CEP290: variants seen among roughly 807,000 people sequenced by gnomAD.
CEP290 encodes centrosomal protein of 290 kDa.
In CEP290, 317 loss-of-function variants were observed where a neutral mutation model predicts 344.9. The observed-to-expected ratio is 0.92, with a 90% CI of 0.84 to 1.01. The LOEUF (loss-of-function observed/expected upper bound fraction) is 1.01, where lower values mean the gene tolerates loss of function less well. Ranked by LOEUF, CEP290 falls within the 50% of genes least tolerant of loss-of-function variation. The probability of loss-of-function intolerance (pLI) is 0.00; values close to 1 mark genes in which losing one functional copy is unlikely to be tolerated. For missense variants in CEP290, 2,754 were observed against 2,761.4 expected (o/e 1.00, Z 0.06); for synonymous variants, 932 against 895.8 (o/e 1.04, Z -0.72).
intron 31 of CEP290, among the ~76,000 whole-genome samples, chr12:88,088,690 T>C (rs1005297219): frequency 6.6e-6 from 1 of 152,154 alleles, no homozygotes; most frequent in Non-Finnish European, 1.5e-5. Flanking sequence ...GTAACTCTTT[T>C]GAAGATAATG....
chr12:88,070,396 C>T (rs1041896976), intron 43 of CEP290, among the ~76,000 whole-genome samples: 4 of 152,164 alleles, frequency 2.6e-5, no homozygotes, highest in Non-Finnish European at 5.9e-5. Flanking sequence ...GAGAGAGCTC[C>T]AGGTAAACCT....
chr12:88,057,308 C>A (rs559675566), intron 49 of CEP290, among the ~76,000 whole-genome samples: 1 of 152,120 alleles, frequency 6.6e-6, no homozygotes, highest in South Asian at 2.1e-4. Flanking sequence ...GCAAGGTGGG[C>A]TTTTAAAAAA....
intron 25 of CEP290, among the ~76,000 whole-genome samples, chr12:88,105,232 A>G (rs2038189799): frequency 6.6e-6 from 1 of 152,252 alleles, no homozygotes; most frequent in South Asian, 2.1e-4. Flanking sequence ...ATTTTTGTCA[A>G]GACAATATAA....
At chr12:88,071,038 C>T (rs992470162) in intron 43 of CEP290, among the ~76,000 whole-genome samples, 10 of 152,132 alleles carry the variant, frequency 6.6e-5, no homozygotes, top group African/African-American at 1.9e-4. Context: ...CTAATTAGAC[C>T]GATTGCATGC....
chr12:88,095,908 C>T (rs1183676189), intron 27 of CEP290, among the ~76,000 whole-genome samples: 1 of 152,120 alleles, frequency 6.6e-6, no homozygotes, highest in Non-Finnish European at 1.5e-5. Flanking sequence ...CCTTCTGAGA[C>T]AGTAATATCT....
At chr12:88,110,128 C>A (rs1392237187) in intron 22 of CEP290, among the ~76,000 whole-genome samples, 1 of 151,966 alleles carries the variant, frequency 6.6e-6, no homozygotes, top group Non-Finnish European at 1.5e-5. Context: ...AAATGGATCA[C>A]CTAGCAGAGA....
intron 6 of CEP290, among the ~76,000 whole-genome samples, chr12:88,135,219 C>A (rs1384046230): frequency 6.6e-6 from 1 of 151,996 alleles, no homozygotes; most frequent in African/African-American, 2.4e-5. Context: ...CAACCCATAC[C>A]CATATTTCAT....
rs531935649 is a variant in CEP290 at position 88,093,703 on chromosome 12, T to C, written c.3309+67A>G. 5.2e-5 allele frequency: 64 copies of C among 1,219,714 alleles called. No individual in the cohort carries two copies. In the Admixed American group the frequency reaches 7.2e-4, roughly 14 times the overall value. The allele number at this position is 1,219,714 out of a possible 1,614,324, so 75.6% of individuals were successfully genotyped here. On this transcript the variant is annotated intron_variant, in intron 28 of 53. Coordinates refer to ENST00000552810, the MANE Select transcript of CEP290 (RefSeq NM_025114.4). ...GAGATCCAGACAAACCACTTAACAA[T>C]AATACAATGTCTACCAAAACTAATT...
chr12:88,060,387 A>G (rs769445102), intron 47 of CEP290, among the ~76,000 whole-genome samples: 8 of 152,170 alleles, frequency 5.3e-5, no homozygotes, highest in Non-Finnish European at 1.0e-4. Flanking sequence ...GTGAAACCCC[A>G]TCTCTACTAA....
intron 43 of CEP290, among the ~76,000 whole-genome samples, chr12:88,070,413 T>C (rs894733790): frequency 2.0e-5 from 3 of 152,144 alleles, no homozygotes; most frequent in African/African-American, 7.2e-5. Flanking sequence ...ACCTTCTAAT[T>C]CTAGCTCGAG....
At chr12:88,116,973 CAAAAAAAA>C (rs890305929) in intron 18 of CEP290, 52 bp downstream of exon 18, 3 of 540,668 alleles carry the variant, frequency 5.5e-6, no homozygotes, top group South Asian at 2.1e-5. Flanking sequence ...GACTCCGTCT[CAAAAAAAA>C]AAAAAAAAAA....
intron 37 of CEP290, among the ~76,000 whole-genome samples, chr12:88,081,662 T>A (rs117610811): frequency 0.02 from 2,993 of 152,326 alleles, 42 homozygotes; most frequent in Middle Eastern, 0.031. Flanking sequence ...CATAATCTCC[T>A]AATACATATC....
intron 26 of CEP290, among the ~76,000 whole-genome samples, chr12:88,101,914 G>A (rs1347580910): frequency 1.3e-5 from 2 of 152,096 alleles, no homozygotes; most frequent in Admixed American, 6.5e-5. Flanking sequence ...AACTGATTAT[G>A]ATTACTTCTA....
At position 88,063,999 on chromosome 12, in the gene CEP290, T is replaced by C. The variant is rs759805807; in HGVS notation, c.6252A>G (p.Lys2084=). ...ELKFQLEQAN[K]DLPRLKNQVR... ...AATTCACCTTTAATCTTGGCAAATCTTTATTTGCTTGTTCAAGCTGAAATT... is the reference window on the plus strand; with the variant it reads ...AATTCACCTTTAATCTTGGCAAATCCTTATTTGCTTGTTCAAGCTGAAATT... The change falls in exon 45 of 54, where the codon AAA becomes AAG. Residue 2084 remains lysine, a synonymous_variant. Transcript: ENST00000552810. The C allele has an allele frequency of 6.3e-7, 1 of 1,596,460 alleles. No homozygotes were observed. The highest frequency in any genetic ancestry group is 8.5e-7 in the Non-Finnish European group (1 of 1,172,272).
In CEP290 at chr12:88,097,606, CACAT is replaced by C. The variant is rs942107483; in HGVS notation, c.2992-611_2992-608del. Among the ~76,000 whole-genome samples, 118 of 98,826 alleles carry C rather than the reference CACAT, an allele frequency of 1.2e-3. 1 individual carries two copies. The East Asian group carries it at 0.014, about 12-fold the overall frequency. The allele number at this position is 98,826 out of a possible 152,430, so 64.8% of individuals were successfully genotyped here. ...ATACATATATATATACACACACACA[CACAT>C]ACACACACACACACACACACACACA... is the stretch of plus-strand genomic sequence containing the variant. On this transcript the variant is annotated intron_variant, in intron 26 of 53. Transcript: ENST00000552810.
intron 52 of CEP290, chr12:88,051,577 GATCTTAAGCCTTA>G (rs2033537868): frequency 6.6e-6 from 1 of 152,118 alleles, no homozygotes; most frequent in Admixed American, 6.5e-5. Flanking sequence ...GTTCTGGTTT[GATCTTAAGCCTTA>G]ATCTTTGAAA....
intron 3 of CEP290, 98 bp from the exon 4 acceptor site, chr12:88,139,662 A>C: frequency 1.1e-6 from 1 of 873,460 alleles, no homozygotes; most frequent in Admixed American, 3.6e-5. Flanking sequence ...CCTTAGTGCC[A>C]GCAATGGCTG....
rs1355732191 is a variant in CEP290 at position 88,062,923 on chromosome 12, T to C, written c.6271-145A>G. 5.1e-6 allele frequency: 3 copies of C among 584,612 alleles called. No homozygotes were observed. The East Asian group carries it at 8.4e-5, about 16-fold the overall frequency. The allele number at this position is 584,612 out of a possible 1,614,324, so 36.2% of individuals were successfully genotyped here. On this transcript the variant is annotated intron_variant, in intron 45 of 53. Coordinates refer to ENST00000552810, the MANE Select transcript of CEP290 (RefSeq NM_025114.4). ...GGTCTCTATATTAACAAGGAAGATT[T>C]TGAACTAAGACGTTAAATTAATACA...
chr12:88,108,990 A>G, intron 23 of CEP290, 76 bp downstream of exon 23: 1 of 544,030 alleles, frequency 1.8e-6, no homozygotes, highest in South Asian at 3.2e-5. Flanking sequence ...AACAAAACAT[A>G]AATTATTCTT....
Sources: gnomAD v4.1 joint callset for allele counts (sites outside exome capture counted in the v4.1 genomes callset) on GRCh38, gnomAD v4.1.1 for gene constraint, MANE v1.5 for transcripts, NCBI Gene and HGNC (gene_info 2026-07-23, HGNC 2026-07-21) for gene names.